The following SNAP91 variants were observed in gnomAD, a reference collection of about 807,000 sequenced individuals.
SNAP91 encodes synaptosome associated protein 91.
A neutral mutation model predicts 100.3 loss-of-function variants in SNAP91; 27 were observed. That is an observed-to-expected ratio of 0.27 (90% CI 0.20 to 0.37). SNAP91 has a LOEUF of 0.37. Ranked by LOEUF, SNAP91 falls within the 10% of genes least tolerant of loss-of-function variation. The pLI, the probability that SNAP91 is intolerant of heterozygous loss-of-function variation, is 1.00. For missense variants in SNAP91, 986 were observed against 1,123.7 expected (o/e 0.88, Z 1.75); for synonymous variants, 404 against 398.6 (o/e 1.01, Z -0.16).
In SNAP91 at chr6:83,593,510, G is replaced by A; in HGVS notation, c.1664C>T (p.Thr555Ile). The change falls in exon 18 of 30, where the codon ACC becomes ATC. Residue 555 changes from threonine (T) to isoleucine (I), a missense_variant. Transcript: ENST00000369694. ...GATATCTAGAGCAGGAGGAGCAGTGGTGGCGGTGGCAGCGGAGGTGGTGGT... is the reference window on the plus strand; with the variant it reads ...GATATCTAGAGCAGGAGGAGCAGTGATGGCGGTGGCAGCGGAGGTGGTGGT... ...TTTTTSAATA[T>I]TAPPALDIFG... 1.9e-6 allele frequency: 3 copies of A among 1,552,544 alleles called. No homozygotes were observed. Among genetic ancestry groups the A allele is most frequent in the Non-Finnish European group, 2.6e-6 (3 of 1,147,456 alleles).
intron 2 of SNAP91, among the ~76,000 whole-genome samples, chr6:83,667,510 G>T (rs977028643): frequency 6.6e-6 from 1 of 151,304 alleles, no homozygotes; most frequent in African/African-American, 2.4e-5. Context: ...GCTTTTTTTT[G>T]AGAACTATCA....
Position 83,665,523 on chromosome 6 carries a change from G to C in SNAP91, c.189C>G (p.Leu63=), listed in dbSNP as rs369939656. ...NVNIPQMADT[L]FERATNSSWV... is the part of the protein sequence containing the mutation. ...AGCTACTGTTTGTTGCCCGCTCAAA[G>C]AGAGTGTCGGCCATCTGAGGAATAT... Residue 63 remains leucine (L), a synonymous_variant, in exon 3 of 30, where the codon CTC becomes CTG. Coordinates refer to ENST00000369694, the MANE Select transcript of SNAP91 (RefSeq NM_001242792.2). The C allele has an allele frequency of 6.2e-7, 1 of 1,612,948 alleles. No individual in the cohort carries two copies. Among genetic ancestry groups the C allele is most frequent in the Admixed American group, 1.7e-5 (1 of 59,888 alleles).
At chr6:83,680,825 A>G (rs529720495) in intron 2 of SNAP91, among the ~76,000 whole-genome samples, 2 of 152,118 alleles carry the variant, frequency 1.3e-5, no homozygotes, top group Non-Finnish European at 2.9e-5. Flanking sequence ...ATGTCCAGAC[A>G]TTGTTGTAGA....
intron 2 of SNAP91, among the ~76,000 whole-genome samples, chr6:83,672,324 A>G (rs974576537): frequency 2.0e-5 from 3 of 152,146 alleles, no homozygotes; most frequent in Admixed American, 6.6e-5. Flanking sequence ...GGCAAAGGAC[A>G]TGGGACTGGG....
At chr6:83,690,962 T>C (rs1384481363) in intron 2 of SNAP91, among the ~76,000 whole-genome samples, 2 of 152,144 alleles carry the variant, frequency 1.3e-5, no homozygotes, top group African/African-American at 4.8e-5. Context: ...ATTTCAAGTC[T>C]AATGCTTTGC....
intron 8 of SNAP91, among the ~76,000 whole-genome samples, chr6:83,630,519 T>A (rs2097163484): frequency 6.6e-6 from 1 of 152,014 alleles, no homozygotes; most frequent in Non-Finnish European, 1.5e-5. Flanking sequence ...ACCATTTCAA[T>A]CTCACTGCTT....
chr6:83,628,841 T>C (rs2097088710), intron 8 of SNAP91, among the ~76,000 whole-genome samples: 1 of 151,942 alleles, frequency 6.6e-6, no homozygotes, highest in South Asian at 2.1e-4. Context: ...CTATTCCTTT[T>C]TGCCTTGCAA....
At chr6:83,669,804 T>G (rs2098750872) in intron 2 of SNAP91, among the ~76,000 whole-genome samples, 1 of 152,018 alleles carries the variant, frequency 6.6e-6, no homozygotes, top group South Asian at 2.1e-4. Flanking sequence ...GATTTATCCA[T>G]GTTATTGAAT....
At chr6:83,707,659 T>A in intron 2 of SNAP91, 139 bp downstream of exon 2, 1 of 1,164,816 alleles carries the variant, frequency 8.6e-7, no homozygotes, top group Non-Finnish European at 1.2e-6. Context: ...CCTTCACAGC[T>A]GAAGAATTTC....
intron 2 of SNAP91, among the ~76,000 whole-genome samples, chr6:83,699,415 T>G (rs1343628139): frequency 6.6e-6 from 1 of 151,688 alleles, no homozygotes; most frequent in Admixed American, 6.6e-5. Flanking sequence ...AAACCAAGAA[T>G]GCATAAAAGC....
At chr6:83,674,075 T>C (rs1390751241) in intron 2 of SNAP91, among the ~76,000 whole-genome samples, 1 of 152,178 alleles carries the variant, frequency 6.6e-6, no homozygotes, top group Non-Finnish European at 1.5e-5. Context: ...TTTGTTTGTT[T>C]TGTTTTTAAC....
chr6:83,576,049 A>G lies in SNAP91; in HGVS notation c.2304T>C (p.Leu768=). The G allele has an allele frequency of 7.2e-7, 1 of 1,391,026 alleles. No individual in the cohort carries two copies. The highest frequency in any genetic ancestry group is 9.9e-7 in the Non-Finnish European group (1 of 1,014,728). The allele number at this position is 1,391,026 out of a possible 1,614,324, so 86.2% of individuals were successfully genotyped here. The change falls in exon 25 of 30, where the codon CTT becomes CTC. Residue 768 remains leucine, a synonymous_variant. Transcript: ENST00000369694. ...TTTTTGTTGTGGTACCAGAAATTCCAAGATCTATAAATGGATAAAAGAAAA... is the reference window on the plus strand; with the variant it reads ...TTTTTGTTGTGGTACCAGAAATTCCGAGATCTATAAATGGATAAAAGAAAA... The part of the protein sequence containing the change: ...DSSLASLVGN[L]GISGTTTKKG...
chr6:83,657,589 G>C (rs138427081), intron 6 of SNAP91, among the ~76,000 whole-genome samples: 2 of 152,266 alleles, frequency 1.3e-5, no homozygotes, highest in East Asian at 1.9e-4. Context: ...CAGGAGTTAG[G>C]TGTTGTGATT....
At chr6:83,699,327 G>T (rs72905536) in intron 2 of SNAP91, among the ~76,000 whole-genome samples, 2 of 152,014 alleles carry the variant, frequency 1.3e-5, no homozygotes, top group Non-Finnish European at 2.9e-5. Context: ...AAAAATGTTA[G>T]CAAGAAACAT....
intron 8 of SNAP91, among the ~76,000 whole-genome samples, chr6:83,630,772 T>C (rs2097174651): frequency 1.4e-5 from 1 of 72,984 alleles, no homozygotes; most frequent in South Asian, 7.0e-4. Context: ...ATCAATTTTA[T>C]CTTAAAAAAA....
chr6:83,697,817 GA>G (rs1263524524), intron 2 of SNAP91, among the ~76,000 whole-genome samples: 1 of 152,048 alleles, frequency 6.6e-6, no homozygotes, highest in Non-Finnish European at 1.5e-5. Context: ...TAAAATTAGG[GA>G]AATATGAAGC....
intron 26 of SNAP91, among the ~76,000 whole-genome samples, chr6:83,566,811 T>C (rs1312647458): frequency 6.6e-6 from 1 of 152,118 alleles, no homozygotes; most frequent in Non-Finnish European, 1.5e-5. Flanking sequence ...CAAGCAGAGA[T>C]CAACAACTAA....
intron 24 of SNAP91, among the ~76,000 whole-genome samples, chr6:83,576,894 G>A (rs1037933840): frequency 1.3e-5 from 2 of 152,176 alleles, no homozygotes; most frequent in African/African-American, 4.8e-5. Context: ...GCCAGGCACT[G>A]TTTTAGGCAC....
intron 2 of SNAP91, among the ~76,000 whole-genome samples, chr6:83,685,863 T>G (rs902284789): frequency 6.6e-6 from 1 of 152,214 alleles, no homozygotes; most frequent in Non-Finnish European, 1.5e-5. Context: ...CATTCAACGC[T>G]CTACCGAATG....
Sources: gnomAD v4.1 joint callset for allele counts (sites outside exome capture counted in the v4.1 genomes callset) on GRCh38, gnomAD v4.1.1 for gene constraint, MANE v1.5 for transcripts, NCBI Gene and HGNC (gene_info 2026-07-23, HGNC 2026-07-21) for gene names.